Variants in RPRD2 observed in about 807,000 individuals in gnomAD.
RPRD2 encodes regulation of nuclear pre-mRNA domain-containing protein 2.
Under a neutral mutation model 104.4 loss-of-function variants are expected in RPRD2, and 12 were observed. The ratio of observed to expected loss-of-function variants is 0.11; its 90% CI spans 0.07 to 0.19. The LOEUF (loss-of-function observed/expected upper bound fraction) is 0.19. Among genes scored for constraint, RPRD2 ranks in the 10% least tolerant of loss-of-function variants. The probability of loss-of-function intolerance (pLI) is 1.00; values close to 1 mark genes in which losing one functional copy is unlikely to be tolerated. For missense variants in RPRD2, 1,543 were observed against 1,790.1 expected, an observed-to-expected ratio of 0.86 and a Z score of 2.49; for synonymous variants, 714 against 684.9, an observed-to-expected ratio of 1.04 and a Z score of -0.66.
intron 1 of RPRD2, among the ~76,000 whole-genome samples, chr1:150,371,288 T>C (rs1660280293): frequency 6.6e-6 from 1 of 152,260 alleles, no homozygotes; most frequent in African/African-American, 2.4e-5. Context: ...CATTCAGTTC[T>C]CACAACTCTT....
At chr1:150,436,789 C>T (rs1178221716) in intron 2 of RPRD2, among the ~76,000 whole-genome samples, 1 of 151,776 alleles carries the variant, frequency 6.6e-6, no homozygotes, top group Non-Finnish European at 1.5e-5. Flanking sequence ...CCTGTAATAC[C>T]AGCCACTCAG....
Position 150,396,198 on chromosome 1 carries a change from GTT to G in RPRD2, c.206-21384_206-21383del, listed in dbSNP as rs34604351. On this transcript the variant is annotated intron_variant, in intron 1 of 10. Coordinates refer to ENST00000369068, the MANE Select transcript of RPRD2 (RefSeq NM_015203.5). ...CACTTTTTGATGGGATCGTCTGTGT[GTT>G]TTTTTTTTTTTTTGGTAATTTGTTT... is the stretch of plus-strand genomic sequence containing the variant. Among the ~76,000 whole-genome samples the G allele has an allele frequency of 8.7e-3, 1,168 of 134,060 alleles. 21 individuals are homozygous for G. The highest frequency in any genetic ancestry group is 0.031 in the African/African-American group (1,104 of 36,154). 87.9% of individuals were successfully genotyped at this position (134,060 alleles called of 152,430 possible). A position where few individuals can be genotyped will look rare whatever the true frequency, so the allele number is the denominator to read the frequency against.
At position 150,417,585 on chromosome 1, in the gene RPRD2, G is replaced by T; in HGVS notation, c.206-11G>T. ...CATTTGGTTTTATTTATTGTCTTTTGTCATCTCTAGCTGCATATCCCCACC... is the reference window on the plus strand; with the variant it reads ...CATTTGGTTTTATTTATTGTCTTTTTTCATCTCTAGCTGCATATCCCCACC... On this transcript the variant is annotated splice_polypyrimidine_tract_variant and intron_variant, in intron 1 of 10. Transcript: ENST00000369068. The T allele has an allele frequency of 2.0e-6, 3 of 1,513,908 alleles. No individual in the cohort carries two copies. The highest frequency in any genetic ancestry group is 2.6e-5 in the South Asian group (2 of 77,020). 93.8% of individuals were successfully genotyped at this position (1,513,908 alleles called of 1,614,324 possible). A position where few individuals can be genotyped will look rare whatever the true frequency, so the allele number is the denominator to read the frequency against.
chr1:150,412,637 A>G (rs1484393743), intron 1 of RPRD2, among the ~76,000 whole-genome samples: 2 of 152,212 alleles, frequency 1.3e-5, no homozygotes, highest in African/African-American at 4.8e-5. Flanking sequence ...AAGAGAAGGC[A>G]GGATGCAGAT....
rs587775194 is a variant in RPRD2, at chr1:150,405,112, GT to G, written c.206-12481del. The stretch of plus-strand genomic sequence containing the variant: ...TTTTTCCTTTGGAGGATTTGGTATG[GT>G]TTGTTACAGATTTTTGTGATTCGCA... On this transcript the variant is annotated intron_variant, in intron 1 of 10. Transcript: ENST00000369068. Among the ~76,000 whole-genome samples, 962 of 152,200 alleles carry G rather than the reference GT, an allele frequency of 6.3e-3. 8 individuals carry two copies. Among genetic ancestry groups the G allele is most frequent in the Middle Eastern group, 0.014 (4 of 294 alleles).
chr1:150,376,585 C>G (rs1261652599), intron 1 of RPRD2, among the ~76,000 whole-genome samples: 2 of 151,480 alleles, frequency 1.3e-5, no homozygotes, highest in Admixed American at 1.3e-4. Flanking sequence ...ACTGCAAGCT[C>G]CGCCTCCCGG....
intron 1 of RPRD2, among the ~76,000 whole-genome samples, chr1:150,398,187 A>AT (rs1553884594): frequency 7.6e-6 from 1 of 132,310 alleles, no homozygotes; most frequent in Non-Finnish European, 1.6e-5. Flanking sequence ...GTGTTTTTAT[A>AT]TTTATTTTAT....
chr1:150,364,640 A>G lies in RPRD2; in HGVS notation c.-75A>G. 1 of 737,674 alleles carries G rather than the reference A, an allele frequency of 1.4e-6. No homozygotes were observed. The highest frequency in any genetic ancestry group is 2.2e-6 in the Non-Finnish European group (1 of 447,452). 45.7% of individuals were successfully genotyped at this position (737,674 alleles called of 1,614,324 possible). A position where few individuals can be genotyped will look rare whatever the true frequency, so the allele number is the denominator to read the frequency against. Reference sequence around the variant, plus strand: ...CTACGGCTTTCACGCACTCGCAGTGATTGTTTTGCCCGCTCCCGCCGCCGC... The same window carrying G: ...CTACGGCTTTCACGCACTCGCAGTGGTTGTTTTGCCCGCTCCCGCCGCCGC... On this transcript the variant is annotated 5_prime_UTR_variant, in exon 1 of 11. Transcript: ENST00000369068.
At chr1:150,377,234 A>G (rs1378193543) in intron 1 of RPRD2, among the ~76,000 whole-genome samples, 1 of 151,916 alleles carries the variant, frequency 6.6e-6, no homozygotes, top group African/African-American at 2.4e-5. Context: ...AAAAGAAAGG[A>G]AATATTGAGT....
chr1:150,450,653 CTG>C (rs1383109058), intron 7 of RPRD2, among the ~76,000 whole-genome samples: 1 of 145,398 alleles, frequency 6.9e-6, no homozygotes, highest in Admixed American at 6.9e-5. Flanking sequence ...ACGAGTCTCA[CTG>C]TGTCACCCAG....
chr1:150,417,734 A>C lies in RPRD2; in HGVS notation c.335+9A>C, dbSNP rs2102277068. The C allele has an allele frequency of 1.3e-6, 2 of 1,586,562 alleles. No homozygotes were observed. The highest frequency in any genetic ancestry group is 2.7e-5 in the African/African-American group (2 of 74,454). ...GCAGCTGCTCTAGTGAAGTAAGTAA[A>C]TCTTTATTGCTCTATGGGATCTAAA... is the stretch of plus-strand genomic sequence containing the variant. On this transcript the variant is annotated intron_variant, in intron 2 of 10. Transcript: ENST00000369068.
intron 1 of RPRD2, among the ~76,000 whole-genome samples, chr1:150,367,906 A>G (rs782107156): frequency 4.6e-5 from 7 of 151,988 alleles, no homozygotes; most frequent in Non-Finnish European, 8.8e-5. Flanking sequence ...TATTTTTAGT[A>G]GAGACAGGGT....
At chr1:150,431,573 C>A (rs1283191167) in intron 2 of RPRD2, among the ~76,000 whole-genome samples, 1 of 148,188 alleles carries the variant, frequency 6.7e-6, no homozygotes, top group African/African-American at 2.5e-5. Flanking sequence ...TTCCGCTTCC[C>A]GGGTTCAAGC....
Position 150,472,588 on chromosome 1 carries a change from T to C in RPRD2, c.3640T>C (p.Ser1214Pro), listed in dbSNP as rs1034984692. 1 of 1,613,712 alleles carries C rather than the reference T, an allele frequency of 6.2e-7. No homozygotes were observed. Among genetic ancestry groups the C allele is most frequent in the Non-Finnish European group, 8.5e-7 (1 of 1,179,672 alleles). The stretch of plus-strand genomic sequence containing the variant: ...CCAGAGAGAGCCAGTGGGGCCATCA[T>C]CTGCCCCACCTGTCCCTCCTAAGGA... ...PFQREPVGPS[S>P]APPVPPKDHG... is the part of the protein sequence containing the mutation. Residue 1214 changes from serine to proline, a missense_variant, in exon 11 of 11, where the codon TCT becomes CCT. Transcript: ENST00000369068.
intron 2 of RPRD2, among the ~76,000 whole-genome samples, chr1:150,420,451 A>G (rs1664686560): frequency 6.6e-6 from 1 of 152,250 alleles, no homozygotes; most frequent in Admixed American, 6.5e-5. Flanking sequence ...ATGATGAAAC[A>G]AAGCATTCCA....
intron 8 of RPRD2, among the ~76,000 whole-genome samples, chr1:150,458,734 C>T (rs1231016292): frequency 1.3e-5 from 2 of 151,924 alleles, no homozygotes; most frequent in Non-Finnish European, 2.9e-5. Context: ...CCATCTCCTG[C>T]GTTCAAACAA....
At chr1:150,403,661 T>G (rs910896845) in intron 1 of RPRD2, among the ~76,000 whole-genome samples, 4 of 152,036 alleles carry the variant, frequency 2.6e-5, no homozygotes, top group South Asian at 2.1e-4. Context: ...CAATATTTTT[T>G]TTTGTGTGTG....
chr1:150,441,268 G>C, intron 3 of RPRD2: 1 of 376,712 alleles, frequency 2.7e-6, no homozygotes, highest in Non-Finnish European at 4.7e-6. Flanking sequence ...ATGTTAAGTG[G>C]TAATAGCCAT....
intron 2 of RPRD2, among the ~76,000 whole-genome samples, chr1:150,433,588 G>A (rs1236720695): frequency 6.8e-6 from 1 of 148,042 alleles, no homozygotes; most frequent in Non-Finnish European, 1.5e-5. Context: ...GGGACTACAG[G>A]CGCCCGCCAC....
Sources: gnomAD v4.1 joint callset for allele counts (sites outside exome capture counted in the v4.1 genomes callset) on GRCh38, gnomAD v4.1.1 for gene constraint, MANE v1.5 for transcripts, NCBI Gene and HGNC (gene_info 2026-07-23, HGNC 2026-07-21) for gene names.